The following FGD4 variants were observed in gnomAD, a reference collection of about 807,000 sequenced individuals.
The protein encoded by FGD4 is FYVE, RhoGEF and PH domain-containing protein 4.
FGD4 carries 42 observed loss-of-function variants against 102.0 expected under a neutral mutation model. That is an observed-to-expected ratio of 0.41 (90% CI 0.32 to 0.53). The LOEUF (loss-of-function observed/expected upper bound fraction) is 0.53, where lower values mean the gene tolerates loss of function less well. FGD4 is among the 20% of genes least tolerant of loss of function. FGD4 has a pLI of 0.21. For synonymous variants in FGD4, 380 were observed against 375.7 expected, an observed-to-expected ratio of 1.01 and a Z score of -0.13; for missense variants, 902 against 1,078.2, an observed-to-expected ratio of 0.84 and a Z score of 2.29.
chr12:32,437,408 G>T (rs762971542), intron 1 of FGD4, among the ~76,000 whole-genome samples: 15 of 152,204 alleles, frequency 9.9e-5, no homozygotes, highest in Non-Finnish European at 1.8e-4. Context: ...GGCTGAGCAC[G>T]GAGGCTCTTT....
At position 32,619,960 on chromosome 12, in the gene FGD4, G is replaced by A. The variant is rs758288719; in HGVS notation, c.1922+90G>A. 9.5e-5 allele frequency: 138 copies of A among 1,451,770 alleles called. 2 individuals carry two copies. The Middle Eastern group carries it at 1.0e-3, about 11-fold the overall frequency. The allele number at this position is 1,451,770 out of a possible 1,614,324, so 89.9% of individuals were successfully genotyped here. A position where few individuals can be genotyped will look rare whatever the true frequency, so the allele number is the denominator to read the frequency against. ...GAATGGCTCTGAGGGTTTTTCTCAA[G>A]TGAATGCTGCATATCTCTGGAACTC... On this transcript the variant is annotated intron_variant, in intron 11 of 16. Coordinates refer to ENST00000534526, the MANE Select transcript of FGD4 (RefSeq NM_001370298.3).
At chr12:32,504,164 TAAGTAATAA>T (rs1938479751) in intron 1 of FGD4, among the ~76,000 whole-genome samples, 1 of 152,194 alleles carries the variant, frequency 6.6e-6, no homozygotes, top group Non-Finnish European at 1.5e-5. Context: ...TCCAGAGTAA[TAAGTAATAA>T]AACCACAGGT....
At chr12:32,460,175 T>C (rs1189936051) in intron 1 of FGD4, among the ~76,000 whole-genome samples, 1 of 152,208 alleles carries the variant, frequency 6.6e-6, no homozygotes, top group Non-Finnish European at 1.5e-5. Flanking sequence ...GAAGCCAATA[T>C]TTAAAACTAC....
chr12:32,453,207 T>G (rs1591930290), intron 1 of FGD4, among the ~76,000 whole-genome samples: 3 of 44,668 alleles, frequency 6.7e-5, no homozygotes, highest in South Asian at 1.3e-3. Context: ...ATATTATATA[T>G]ATATATATAT....
chr12:32,423,314 C>T (rs1315154139), intron 1 of FGD4, among the ~76,000 whole-genome samples: 1 of 151,970 alleles, frequency 6.6e-6, no homozygotes, highest in Non-Finnish European at 1.5e-5. Context: ...AGGAATAGGC[C>T]AGCACGGTGA....
chr12:32,451,834 C>CA (rs60760923), intron 1 of FGD4, among the ~76,000 whole-genome samples: 6,082 of 24,210 alleles, frequency 0.25, 1,946 homozygotes, highest in Middle Eastern at 0.64. Context: ...AACTCCATCT[C>CA]AAAAAAAAAA....
intron 1 of FGD4, among the ~76,000 whole-genome samples, chr12:32,558,210 C>T (rs1944269996): frequency 6.6e-6 from 1 of 152,194 alleles, no homozygotes; most frequent in African/African-American, 2.4e-5. Context: ...GTAATTCTCA[C>T]AGGTTGTAGT....
At chr12:32,505,453 C>T (rs1352737053) in intron 1 of FGD4, among the ~76,000 whole-genome samples, 3 of 152,166 alleles carry the variant, frequency 2.0e-5, no homozygotes, top group Non-Finnish European at 4.4e-5. Flanking sequence ...ATTTGAGTAT[C>T]GGCAGCTGTT....
intron 1 of FGD4, among the ~76,000 whole-genome samples, chr12:32,403,361 G>A (rs563118247): frequency 1.3e-5 from 2 of 152,106 alleles, no homozygotes; most frequent in African/African-American, 2.4e-5. Flanking sequence ...TAGCACTCAC[G>A]TTCTAGTCCC....
At chr12:32,594,419 A>G (rs768172979) in intron 4 of FGD4, among the ~76,000 whole-genome samples, 3 of 152,190 alleles carry the variant, frequency 2.0e-5, no homozygotes, top group Non-Finnish European at 2.9e-5. Flanking sequence ...AGTTGCAGGA[A>G]AACAAGATCA....
intron 16 of FGD4, among the ~76,000 whole-genome samples, chr12:32,640,028 G>A (rs533923039): frequency 6.6e-6 from 1 of 151,594 alleles, no homozygotes. Context: ...TTTTCACAGA[G>A]AGGAGGGTGT....
rs117586959 is a variant in FGD4 at position 32,609,486 on chromosome 12, T to C, written c.1544-1290T>C. 4.4e-3 allele frequency among the ~76,000 whole-genome samples: 676 copies of C among 152,308 alleles called. 15 individuals carry two copies. The South Asian group carries it at 0.076, about 17-fold the overall frequency. ...TTTTGTCTTCCTCTATCCTGGATCCTGTATCAAGTGCACAGCATCGCCCAC... is the reference window on the plus strand; with the variant it reads ...TTTTGTCTTCCTCTATCCTGGATCCCGTATCAAGTGCACAGCATCGCCCAC... On this transcript the variant is annotated intron_variant, in intron 8 of 16. Coordinates refer to ENST00000534526, the MANE Select transcript of FGD4 (RefSeq NM_001370298.3).
At chr12:32,588,194 A>G (rs1947201373) in intron 4 of FGD4, among the ~76,000 whole-genome samples, 1 of 152,246 alleles carries the variant, frequency 6.6e-6, no homozygotes. Flanking sequence ...CCTAGCCTTT[A>G]GTAGGCCTTG....
intron 10 of FGD4, among the ~76,000 whole-genome samples, chr12:32,619,246 A>T (rs1949645345): frequency 6.6e-6 from 1 of 152,186 alleles, no homozygotes; most frequent in Admixed American, 6.5e-5. Flanking sequence ...CATAAACCTC[A>T]GTGTTTTAGT....
At chr12:32,521,780 T>A (rs1036341338) in intron 1 of FGD4, among the ~76,000 whole-genome samples, 1 of 152,232 alleles carries the variant, frequency 6.6e-6, no homozygotes, top group Non-Finnish European at 1.5e-5. Flanking sequence ...TTGCCTCTGC[T>A]ATCCTGTGCA....
intron 4 of FGD4, among the ~76,000 whole-genome samples, chr12:32,589,504 GT>G (rs1947305217): frequency 6.6e-6 from 1 of 152,198 alleles, no homozygotes; most frequent in Non-Finnish European, 1.5e-5. Context: ...TGATGACTAA[GT>G]CTTTAGACAG....
At chr12:32,505,420 T>A (rs1938617859) in intron 1 of FGD4, among the ~76,000 whole-genome samples, 1 of 152,222 alleles carries the variant, frequency 6.6e-6, no homozygotes, top group African/African-American at 2.4e-5. Context: ...TGGCAGGCTT[T>A]TTCTCTATAT....
rs368683447 is a variant in FGD4 at position 32,517,113 on chromosome 12, T to G, written c.167-47024T>G. Among the ~76,000 whole-genome samples the G allele has an allele frequency of 2.1e-3, 316 of 152,342 alleles. 1 individual carries two copies. The highest frequency in any genetic ancestry group is 7.3e-3 in the African/African-American group (303 of 41,574). ...TTTGTGCTTTGAGCTGAGCTTGTTTTGGGTGCCAGAGTATAATTATAAAAA... is the reference window on the plus strand; with the variant it reads ...TTTGTGCTTTGAGCTGAGCTTGTTTGGGGTGCCAGAGTATAATTATAAAAA... On this transcript the variant is annotated intron_variant, in intron 1 of 16. Coordinates refer to ENST00000534526, the MANE Select transcript of FGD4 (RefSeq NM_001370298.3).
At chr12:32,498,131 T>C (rs10506087) in intron 1 of FGD4, among the ~76,000 whole-genome samples, 3,860 of 152,270 alleles carry the variant, frequency 0.025, 165 homozygotes, top group African/African-American at 0.087. Context: ...CGTTGGACTT[T>C]GTAGAGGCTA....
Sources: gnomAD v4.1 joint callset for allele counts (sites outside exome capture counted in the v4.1 genomes callset) on GRCh38, gnomAD v4.1.1 for gene constraint, MANE v1.5 for transcripts, NCBI Gene and HGNC (gene_info 2026-07-23, HGNC 2026-07-21) for gene names.